Variants in CHKA observed in about 807,000 individuals in gnomAD.
The protein encoded by CHKA is CHETK-alpha.
Under a neutral mutation model 60.1 loss-of-function variants are expected in CHKA, and 34 were observed. The observed-to-expected ratio is 0.57, with a 90% CI of 0.43 to 0.75. CHKA has a LOEUF of 0.75. CHKA is among the 30% of genes least tolerant of loss of function. The pLI is 0.00. For missense variants in CHKA, 563 were observed against 561.3 expected (o/e 1.00, Z -0.03); for synonymous variants, 217 against 223.1 (o/e 0.97, Z 0.24).
intron 2 of CHKA, among the ~76,000 whole-genome samples, chr11:68,088,110 C>CAAAAA (rs55932145): frequency 2.0e-4 from 14 of 71,240 alleles, no homozygotes; most frequent in African/African-American, 7.0e-4. Flanking sequence ...GAGGCTGTCT[C>CAAAAA]AAAAAAAAAA....
chr11:68,108,768 GA>G (rs1328739308), intron 1 of CHKA, among the ~76,000 whole-genome samples: 1 of 152,100 alleles, frequency 6.6e-6, no homozygotes, highest in African/African-American at 2.4e-5. Flanking sequence ...GGTTAAGGGG[GA>G]AACTGCTGCC....
At chr11:68,112,782 C>T (rs1228905955) in intron 1 of CHKA, among the ~76,000 whole-genome samples, 1 of 152,128 alleles carries the variant, frequency 6.6e-6, no homozygotes, top group Non-Finnish European at 1.5e-5. Context: ...CACTTTCCCA[C>T]TCAAGAAGGT....
chr11:68,078,964 A>T (rs1338225669), intron 3 of CHKA, among the ~76,000 whole-genome samples: 1 of 150,036 alleles, frequency 6.7e-6, no homozygotes, highest in Non-Finnish European at 1.5e-5. Flanking sequence ...TTTTTTTTGG[A>T]GATGGATAGC....
At chr11:68,084,311 C>CACATATATATACGTATATGTGTATATAT (rs1857088674) in intron 2 of CHKA, among the ~76,000 whole-genome samples, 2 of 135,956 alleles carry the variant, frequency 1.5e-5, no homozygotes, top group East Asian at 4.3e-4. Flanking sequence ...TGTGTATATA[C>CACATATATATACGTATATGTGTATATAT]ATGTGTATAT....
intron 1 of CHKA, among the ~76,000 whole-genome samples, chr11:68,117,541 T>C (rs1858438086): frequency 6.6e-6 from 1 of 151,858 alleles, no homozygotes; most frequent in South Asian, 2.1e-4. Flanking sequence ...ATACAAAAAT[T>C]AGCCGGATGT....
At chr11:68,107,570 T>C (rs930246340) in intron 1 of CHKA, among the ~76,000 whole-genome samples, 1 of 152,032 alleles carries the variant, frequency 6.6e-6, no homozygotes, top group Non-Finnish European at 1.5e-5. Flanking sequence ...CTCCTTTCCA[T>C]TCTCAATGCT....
chr11:68,120,541 C>A (rs1039378647), intron 1 of CHKA, among the ~76,000 whole-genome samples: 2 of 152,256 alleles, frequency 1.3e-5, no homozygotes, highest in African/African-American at 4.8e-5. Context: ...CGTGATGGAA[C>A]GGTATTGTTC....
At position 68,064,552 on chromosome 11, in the gene CHKA, T is replaced by G; in HGVS notation, c.1205A>C (p.Lys402Thr). 6.3e-7 allele frequency: 1 copy of G among 1,575,302 alleles called. No homozygotes were observed. ...ATTAACTTCAAGCAACATTTCTTCT[T>G]TTATAATGGATTTTTCTTCAGTACT... Reference protein sequence around the residue: ...NLSTEEKSIIKEEMLLEVNRF... With the variant: ...NLSTEEKSIITEEMLLEVNRF... The change falls in exon 10 of 12, where the codon AAA becomes ACA. Residue 402 changes from lysine (K) to threonine (T), a missense_variant. Physicochemically the swap from Lys to Thr is moderately conservative, Grantham distance 78. Transcript: ENST00000265689.
chr11:68,096,453 T>C (rs941282911), intron 2 of CHKA, among the ~76,000 whole-genome samples: 5 of 152,040 alleles, frequency 3.3e-5, no homozygotes, highest in Admixed American at 2.0e-4. Context: ...CCCAGACAAG[T>C]TGGGATATCC....
At chr11:68,078,147 G>A (rs1330646234) in intron 3 of CHKA, among the ~76,000 whole-genome samples, 5 of 152,022 alleles carry the variant, frequency 3.3e-5, no homozygotes, top group Admixed American at 6.5e-5. Context: ...GGGCACCCTC[G>A]CATACACCCC....
intron 2 of CHKA, among the ~76,000 whole-genome samples, chr11:68,084,265 CATATATACGT>C (rs1195714253): frequency 1.9e-4 from 28 of 143,848 alleles, no homozygotes; most frequent in Non-Finnish European, 3.5e-4. Context: ...AAAAAAAATA[CATATATACGT>C]ATATATACAC....
intron 1 of CHKA, among the ~76,000 whole-genome samples, chr11:68,106,187 G>A (rs7950573): frequency 2.0e-5 from 3 of 152,238 alleles, no homozygotes; most frequent in Non-Finnish European, 2.9e-5. Context: ...GCACCTCTAC[G>A]GAGTAATCAG....
intron 2 of CHKA, among the ~76,000 whole-genome samples, chr11:68,083,158 C>T (rs1435794600): frequency 6.6e-6 from 1 of 152,170 alleles, no homozygotes; most frequent in African/African-American, 2.4e-5. Context: ...TCGATGCCCA[C>T]TACACTTTTT....
chr11:68,094,491 T>C (rs1048056992), intron 2 of CHKA, among the ~76,000 whole-genome samples: 2 of 152,302 alleles, frequency 1.3e-5, no homozygotes, highest in East Asian at 3.9e-4. Context: ...CAGTGAGCCA[T>C]GGTTGTGCCA....
At chr11:68,076,459 G>C (rs950119755) in intron 3 of CHKA, among the ~76,000 whole-genome samples, 3 of 152,118 alleles carry the variant, frequency 2.0e-5, no homozygotes, top group African/African-American at 7.2e-5. Context: ...AGTATCCGGG[G>C]CATTTAAGCA....
chr11:68,089,610 C>T (rs1481423506), intron 2 of CHKA, among the ~76,000 whole-genome samples: 1 of 152,084 alleles, frequency 6.6e-6, no homozygotes. Flanking sequence ...ATCTGATTTG[C>T]TTTGGACAAA....
intron 10 of CHKA, among the ~76,000 whole-genome samples, chr11:68,063,281 T>C (rs1856315049): frequency 6.6e-6 from 1 of 152,042 alleles, no homozygotes; most frequent in South Asian, 2.1e-4. Flanking sequence ...GGAGAACCAC[T>C]TGAGCCCAGG....
chr11:68,056,843 TA>T (rs375367885), intron 11 of CHKA, among the ~76,000 whole-genome samples: 267 of 145,308 alleles, frequency 1.8e-3, no homozygotes, highest in African/African-American at 3.3e-3. Flanking sequence ...GACCCTGTCT[TA>T]AAAAAAAAAA....
At chr11:68,083,895 G>C (rs1408520567) in intron 2 of CHKA, among the ~76,000 whole-genome samples, 1 of 152,006 alleles carries the variant, frequency 6.6e-6, no homozygotes, top group Non-Finnish European at 1.5e-5. Context: ...CAAACCAAGT[G>C]TATATTCATG....
Sources: allele counts gnomAD v4.1 joint callset (sites outside exome capture counted in the v4.1 genomes callset), GRCh38; gene constraint gnomAD v4.1.1; transcripts MANE v1.5; gene names NCBI Gene and HGNC (gene_info 2026-07-23, HGNC 2026-07-21).